Variants in SNX14 observed in about 807,000 individuals in gnomAD.
The protein encoded by SNX14 is sorting nexin 14.
SNX14 carries 93 observed loss-of-function variants against 133.8 expected under a neutral mutation model. The observed-to-expected ratio is 0.70, with a 90% CI of 0.59 to 0.83. The LOEUF is 0.83. Among genes scored for constraint, SNX14 ranks in the 40% least tolerant of loss-of-function variants. SNX14 has a pLI of 0.00. For synonymous variants in SNX14, 368 were observed against 365.6 expected, an observed-to-expected ratio of 1.01 and a Z score of -0.07; for missense variants, 945 against 1,094.9, an observed-to-expected ratio of 0.86 and a Z score of 1.93.
Position 85,543,736 on chromosome 6 carries a change from C to A in SNX14, c.1133G>T (p.Arg378Leu). ...CATTTCATCATTTGATAATTCTGGTCGTAAAATTCTATCATTAAATTCCTC... is the reference window on the plus strand; with the variant it reads ...CATTTCATCATTTGATAATTCTGGTAGTAAAATTCTATCATTAAATTCCTC... Reference protein sequence around the residue: ...TVEEFNDRILRPELSNDEMLS... With the variant: ...TVEEFNDRILLPELSNDEMLS... Residue 378 changes from arginine to leucine, a missense_variant, in exon 13 of 29, where the codon CGA becomes CTA. This residue lies in a region of SNX14 where 514 missense variants were observed against 538.8 expected (regional missense o/e 0.95). Transcript: ENST00000314673. 1.9e-6 allele frequency: 3 copies of A among 1,549,812 alleles called. No homozygotes were observed. Among genetic ancestry groups the A allele is most frequent in the South Asian group, 2.6e-5 (2 of 76,920 alleles).
rs746462567 is a variant in SNX14, at chr6:85,514,089, T to C, written c.2538A>G (p.Ser846=). ...EQLFQEHRLV[S]LITLLRDAIF... ...ACAAACCTCTGAGAAGTGTTATGAG[T>C]GAGACCAAACGGTGCTCCTGAAATA... The change falls in exon 25 of 29, where the codon TCA becomes TCG. Residue 846 remains serine (S), a synonymous_variant. Transcript: ENST00000314673. 1.2e-6 allele frequency: 2 copies of C among 1,613,042 alleles called. No individual in the cohort carries two copies. The highest frequency in any genetic ancestry group is 3.3e-5 in the Admixed American group (2 of 59,810).
At chr6:85,539,255 C>A (rs1446328510) in intron 15 of SNX14, among the ~76,000 whole-genome samples, 1 of 152,134 alleles carries the variant, frequency 6.6e-6, no homozygotes, top group Non-Finnish European at 1.5e-5. Flanking sequence ...CATACCATTT[C>A]TTTCATGCAG....
chr6:85,545,387 T>C (rs1265548201), intron 12 of SNX14, among the ~76,000 whole-genome samples: 2 of 152,074 alleles, frequency 1.3e-5, no homozygotes, highest in African/African-American at 4.8e-5. Context: ...TTTTTTAAAG[T>C]GAGAGAAACT....
intron 7 of SNX14, among the ~76,000 whole-genome samples, chr6:85,553,852 G>T (rs1788708329): frequency 6.6e-6 from 1 of 151,074 alleles, no homozygotes; most frequent in South Asian, 2.1e-4. Context: ...ATGTAATATA[G>T]AAAAGTAATT....
At chr6:85,514,025 A>G in intron 25 of SNX14, 45 bp downstream of exon 25, 1 of 1,577,952 alleles carries the variant, frequency 6.3e-7, no homozygotes, top group Non-Finnish European at 8.6e-7. Context: ...AATTAAAATC[A>G]TAGAGTACAC....
intron 26 of SNX14, among the ~76,000 whole-genome samples, chr6:85,512,349 C>T (rs979452159): frequency 6.6e-6 from 1 of 152,062 alleles, no homozygotes; most frequent in Non-Finnish European, 1.5e-5. Context: ...GGGCTGGGCA[C>T]GGTGGCTCAC....
At chr6:85,589,209 T>A (rs562612936) in intron 1 of SNX14, 8 of 178,784 alleles carry the variant, frequency 4.5e-5, no homozygotes, top group Non-Finnish European at 6.0e-5. Flanking sequence ...TACTGTCAAT[T>A]TGTGTTCTGG....
At chr6:85,546,965 C>CAAAAAA (rs375373506) in intron 12 of SNX14, 147 bp downstream of exon 12, 14 of 392,772 alleles carry the variant, frequency 3.6e-5, no homozygotes, top group African/African-American at 1.2e-4. Context: ...CCGCCTCAAA[C>CAAAAAA]AAAAAAAAAA....
intron 4 of SNX14, among the ~76,000 whole-genome samples, chr6:85,570,686 C>T (rs1227857093): frequency 1.3e-5 from 2 of 151,924 alleles, no homozygotes; most frequent in Non-Finnish European, 2.9e-5. Context: ...AACCCTGTCT[C>T]TACTAAAAAT....
At chr6:85,561,917 G>C (rs1649859536) in intron 6 of SNX14, among the ~76,000 whole-genome samples, 1 of 151,694 alleles carries the variant, frequency 6.6e-6, no homozygotes, top group South Asian at 2.1e-4. Flanking sequence ...GCATGTCATG[G>C]GGGTTTGGTG....
intron 21 of SNX14, among the ~76,000 whole-genome samples, chr6:85,524,785 G>GAAAAAAAAAAAAAAAAAAAAAAAAA (rs397885760): frequency 3.4e-5 from 3 of 88,248 alleles, no homozygotes; most frequent in African/African-American, 1.1e-4. Flanking sequence ...TTCCATCACA[G>GAAAAAAAAAAAAAAAAAAAAAAAAA]AAAAAAAAAA....
intron 13 of SNX14, 37 bp downstream of exon 13, chr6:85,543,568 A>T: frequency 6.7e-7 from 1 of 1,496,246 alleles, no homozygotes; most frequent in Non-Finnish European, 9.1e-7. Context: ...AAACTGTAAG[A>T]GTGCTAAATA....
Position 85,514,142 on chromosome 6 carries a change from A to G in SNX14, c.2485T>C (p.Tyr829His), listed in dbSNP as rs1773954993. 6.2e-7 allele frequency: 1 copy of G among 1,613,848 alleles called. No homozygotes were observed. Among genetic ancestry groups the G allele is most frequent in the Non-Finnish European group, 8.5e-7 (1 of 1,179,892 alleles). Residue 829 changes from tyrosine (Y) to histidine (H), a missense_variant, in exon 25 of 29, where the codon TAC becomes CAC. Tyr to His is a moderately conservative substitution (Grantham distance 83). This residue lies in a region of SNX14 where 412 missense variants were observed against 516.6 expected (regional missense o/e 0.80). Transcript: ENST00000314673. Reference protein sequence around the residue: ...FKNTLEMYTDYYLQCKLEQLF... With the variant: ...FKNTLEMYTDHYLQCKLEQLF... ...TGTTCTAGTTTACACTGAAGATAGTAATCAGTATACATTTCCAGGGTGTTT... is the reference window on the plus strand; with the variant it reads ...TGTTCTAGTTTACACTGAAGATAGTGATCAGTATACATTTCCAGGGTGTTT...
chr6:85,507,231 A>G lies in SNX14; in HGVS notation c.2802+2T>C. 2 of 1,609,726 alleles carry G rather than the reference A, an allele frequency of 1.2e-6. No individual in the cohort carries two copies. The highest frequency in any genetic ancestry group is 1.7e-6 in the Non-Finnish European group (2 of 1,178,136). ...TGAATAAAATTACTGCTTTTCAGTT[A>G]CCTTATTGAGCTCTGGAAACAGTTC... On this transcript the variant is annotated splice_donor_variant, in intron 28 of 28. Coordinates refer to ENST00000314673, the MANE Select transcript of SNX14 (RefSeq NM_153816.6). LOFTEE classifies it high-confidence loss of function.
At chr6:85,531,840 A>C (rs1301606328) in intron 18 of SNX14, among the ~76,000 whole-genome samples, 1 of 152,118 alleles carries the variant, frequency 6.6e-6, no homozygotes, top group Non-Finnish European at 1.5e-5. Flanking sequence ...CAGCCTCAGC[A>C]ACATAGTGAG....
intron 1 of SNX14, among the ~76,000 whole-genome samples, chr6:85,590,650 T>C (rs1802490040): frequency 6.6e-6 from 1 of 152,220 alleles, no homozygotes; most frequent in South Asian, 2.1e-4. Context: ...TACCCAGTTT[T>C]AGATCCTTCT....
chr6:85,508,796 A>C (rs917193646), intron 26 of SNX14, among the ~76,000 whole-genome samples: 3 of 152,158 alleles, frequency 2.0e-5, no homozygotes, highest in Admixed American at 6.5e-5. Context: ...ATCCTTATTA[A>C]GATCTCCACT....
chr6:85,509,965 T>C (rs990816471), intron 26 of SNX14, among the ~76,000 whole-genome samples: 2 of 152,194 alleles, frequency 1.3e-5, no homozygotes, highest in Non-Finnish European at 2.9e-5. Flanking sequence ...TGACTTTTCA[T>C]GATGTGACAG....
intron 26 of SNX14, among the ~76,000 whole-genome samples, chr6:85,513,378 T>G (rs566317392): frequency 1.3e-5 from 2 of 152,344 alleles, no homozygotes; most frequent in South Asian, 4.1e-4. Flanking sequence ...CCTACTCAAG[T>G]GCATTTTTTA....
Sources: allele counts gnomAD v4.1 joint callset (sites outside exome capture counted in the v4.1 genomes callset), GRCh38; gene constraint gnomAD v4.1.1; regional missense constraint gnomAD v4.1.1; transcripts MANE v1.5; gene names NCBI Gene and HGNC (gene_info 2026-07-23, HGNC 2026-07-21).